The following CACNA1F variants were observed in gnomAD, a reference collection of about 807,000 sequenced individuals.
The protein encoded by CACNA1F is voltage-dependent L-type calcium channel subunit alpha-1F.
A neutral mutation model predicts 143.8 loss-of-function variants in CACNA1F; 59 were observed. The ratio of observed to expected loss-of-function variants is 0.41; its 90% CI spans 0.33 to 0.51. The LOEUF is 0.51. Ranked by LOEUF, CACNA1F falls within the 20% of genes least tolerant of loss-of-function variation. The pLI is 0.22. For synonymous variants in CACNA1F, 643 were observed against 649.1 expected, an observed-to-expected ratio of 0.99 and a Z score of 0.14; for missense variants, 1,411 against 1,647.5, an observed-to-expected ratio of 0.86 and a Z score of 2.48.
At position 49,218,501 on chromosome X, in the gene CACNA1F, C is replaced by T. The variant is rs781881857; in HGVS notation, c.2882G>A (p.Arg961Gln). ...GATGGCTCGGAGGGGCCGCAGTACT[C>T]GGAGTACTCGCAGAATCTTCACCAC... The part of the protein sequence containing the change: ...ISVVKILRVL[R>Q]VLRPLRAINR... The change falls in exon 24 of 48, where the codon CGA becomes CAA. Residue 961 changes from arginine (R) to glutamine (Q), a missense_variant. This residue lies in a region of CACNA1F where 950 missense variants were observed against 1,128.1 expected (regional missense o/e 0.84). Transcript: ENST00000323022. 9.3e-6 allele frequency: 11 copies of T among 1,184,049 alleles called. No individual in the cohort carries two copies. Among genetic ancestry groups the T allele is most frequent in the Admixed American group, 2.4e-5 (1 of 41,764 alleles).
At position 49,218,604 on chromosome X, in the gene CACNA1F, G is replaced by A. The variant is rs2065741928; in HGVS notation, c.2840+25C>T. ...TGGGCCCTGGCTGTGAGAGGAATGG[G>A]GTGGGCTGGGGATCTGTCACTTACT... On this transcript the variant is annotated intron_variant, in intron 23 of 47. Transcript: ENST00000323022. 8 of 1,177,895 alleles carry A rather than the reference G, an allele frequency of 6.8e-6. No individual in the cohort carries two copies. In the South Asian group the frequency reaches 1.1e-4, roughly 16 times the overall value.
intron 14 of CACNA1F, among the ~76,000 whole-genome samples, chrX:49,223,414 C>A (rs1310436727): frequency 1.9e-5 from 2 of 107,530 alleles, no homozygotes; most frequent in Non-Finnish European, 3.8e-5. Context: ...ACCATCCTGG[C>A]TAACACGGTG....
At chrX:49,233,200 G>A (rs1557111662) in intron 1 of CACNA1F, 85 bp downstream of exon 1, 2 of 1,016,893 alleles carry the variant, frequency 2.0e-6, no homozygotes. Context: ...AGGCTCTCTG[G>A]GGGTGGGGTC....
chrX:49,229,273 C>A (rs1404339148), intron 6 of CACNA1F, among the ~76,000 whole-genome samples: 16 of 111,081 alleles, frequency 1.4e-4, no homozygotes, highest in African/African-American at 5.3e-4. Context: ...TCTCATGCCG[C>A]AGCCTCCCGA....
chrX:49,210,466 C>A, intron 38 of CACNA1F, 63 bp from the exon 39 acceptor site: 1 of 1,038,944 alleles, frequency 9.6e-7, no homozygotes, highest in Non-Finnish European at 1.4e-6. Flanking sequence ...GAACGAATGT[C>A]AAGGGGCAGA....
chrX:49,211,158 G>C, intron 36 of CACNA1F, 66 bp from the exon 37 acceptor site: 1 of 1,157,039 alleles, frequency 8.6e-7, no homozygotes, highest in Middle Eastern at 2.5e-4. Flanking sequence ...CGGATGGTGG[G>C]AGGCTGGGGC....
intron 17 of CACNA1F, among the ~76,000 whole-genome samples, chrX:49,221,512 G>A (rs1054321587): frequency 2.7e-5 from 3 of 109,985 alleles, no homozygotes; most frequent in Non-Finnish European, 3.8e-5. Flanking sequence ...GGGTTCAAGC[G>A]AGCTTGTCCA....
Position 49,223,074 on chromosome X carries a change from G to A in CACNA1F, c.1940C>T (p.Ser647Phe). 8.3e-7 allele frequency: 1 copy of A among 1,203,123 alleles called. No homozygotes were observed. The highest frequency in any genetic ancestry group is 3.0e-5 in the East Asian group (1 of 33,685). ...SLLNSMKSIA[S>F]LLLLLFLFII... is the part of the protein sequence containing the mutation. ...GAAGAGGAAGAGGAGAAGCAGCAAGGATGCGATGGATTTCATTGAATTGAG... is the reference window on the plus strand; with the variant it reads ...GAAGAGGAAGAGGAGAAGCAGCAAGAATGCGATGGATTTCATTGAATTGAG... The change falls in exon 15 of 48, where the codon TCC (serine) becomes TTC (phenylalanine). Residue 647 changes from serine (S) to phenylalanine (F), a missense_variant. Transcript: ENST00000323022.
In CACNA1F at chrX:49,211,771, G is replaced by C. The variant is rs1602629255; in HGVS notation, c.4100+127C>G. 3.1e-5 allele frequency: 18 copies of C among 582,806 alleles called. No individual in the cohort carries two copies. The East Asian group carries it at 6.1e-4, about 20-fold the overall frequency. 48.0% of individuals were successfully genotyped at this position (582,806 alleles called of 1,213,427 possible). ...AACAGACTCCTCACATCATAGCCAG[G>C]AAACATCTCGGGCTGTATGGAGCCC... On this transcript the variant is annotated intron_variant, in intron 35 of 47. Coordinates refer to ENST00000323022, the MANE Select transcript of CACNA1F (RefSeq NM_001256789.3).
chrX:49,219,798 C>T lies in CACNA1F; in HGVS notation c.2387-8G>A, dbSNP rs782550012. ...CCTCCTCCTCCTCCATGTCTGGCAC[C>T]AGAGAAAAGCAAAAAAAAATTAATT... On this transcript the variant is annotated splice_region_variant and splice_polypyrimidine_tract_variant and intron_variant, in intron 19 of 47. Transcript: ENST00000323022. 6.9e-6 allele frequency: 7 copies of T among 1,018,190 alleles called. 1 individual carries two copies. In the Admixed American group the frequency reaches 1.8e-4, roughly 27 times the overall value. 83.9% of individuals were successfully genotyped at this position (1,018,190 alleles called of 1,213,427 possible). A position where few individuals can be genotyped will look rare whatever the true frequency, so the allele number is the denominator to read the frequency against.
rs12009701 is a variant in CACNA1F, at chrX:49,211,767, C to G, written c.4100+131G>C. The G allele has an allele frequency of 0.028, 16,337 of 573,548 alleles. 1,793 individuals are homozygous for G. The African/African-American group carries it at 0.32, about 11-fold the overall frequency. The allele number at this position is 573,548 out of a possible 1,213,427, so 47.3% of individuals were successfully genotyped here. On this transcript the variant is annotated intron_variant, in intron 35 of 47. Transcript: ENST00000323022. ...CTCTAACAGACTCCTCACATCATAG[C>G]CAGGAAACATCTCGGGCTGTATGGA...
chrX:49,229,729 C>T (rs1335492375), intron 6 of CACNA1F, among the ~76,000 whole-genome samples: 1 of 97,225 alleles, frequency 1.0e-5, no homozygotes, highest in Non-Finnish European at 1.9e-5. Context: ...CGCCATTCTC[C>T]TGCCTCAGCC....
chrX:49,230,381 A>C lies in CACNA1F; in HGVS notation c.665-9T>G, dbSNP rs372890341. The C allele has an allele frequency of 9.1e-6, 11 of 1,206,178 alleles. No homozygotes were observed. Among genetic ancestry groups the C allele is most frequent in the African/African-American group, 3.5e-5 (2 of 57,519 alleles). On this transcript the variant is annotated splice_polypyrimidine_tract_variant and intron_variant, in intron 5 of 47. Coordinates refer to ENST00000323022, the MANE Select transcript of CACNA1F (RefSeq NM_001256789.3). ...GAGCACTATGTGCAGGCCTGCGGGG[A>C]GGGAGGGGGAGGCAGAAATAAGGGC...
Position 49,209,396 on chromosome X carries a change from G to T in CACNA1F, c.4822-3C>A. On this transcript the variant is annotated splice_polypyrimidine_tract_variant and splice_region_variant and intron_variant, in intron 41 of 47. Transcript: ENST00000323022. Reference sequence around the variant, plus strand: ...TCCTGCAGGCTCCGCAGACCAGCCTGTGGGGGTGGAGAAATAGGTAAGCAG... The same window carrying T: ...TCCTGCAGGCTCCGCAGACCAGCCTTTGGGGGTGGAGAAATAGGTAAGCAG... 4 of 1,209,988 alleles carry T rather than the reference G, an allele frequency of 3.3e-6. No homozygotes were observed. Among genetic ancestry groups the T allele is most frequent in the Non-Finnish European group, 4.5e-6 (4 of 894,272 alleles).
chrX:49,227,427 C>T (rs944757535), intron 8 of CACNA1F, among the ~76,000 whole-genome samples: 2 of 111,688 alleles, frequency 1.8e-5, no homozygotes, highest in Admixed American at 9.5e-5. Flanking sequence ...TGGGCTCAAG[C>T]GATCCTTCCA....
At chrX:49,219,552 A>G in intron 20 of CACNA1F, 82 bp downstream of exon 20, 3 of 1,172,798 alleles carry the variant, frequency 2.6e-6, no homozygotes, top group African/African-American at 1.8e-5. Context: ...CCATGCCCCC[A>G]CTCCCACCTT....
intron 43 of CACNA1F, 146 bp from the exon 44 acceptor site, chrX:49,207,258 C>G (rs782084679): frequency 9.9e-5 from 46 of 465,279 alleles, no homozygotes; most frequent in Non-Finnish European, 1.6e-4. Context: ...TAAAATTAAC[C>G]ATTAACCATT....
At chrX:49,206,470 T>G in intron 46 of CACNA1F, 41 bp downstream of exon 46, 1 of 806,416 alleles carries the variant, frequency 1.2e-6, no homozygotes, top group Non-Finnish European at 1.8e-6. Context: ...TGCCCCCATC[T>G]CTCCAGACCC....
chrX:49,225,824 A>G (rs1311257539), intron 13 of CACNA1F, 85 bp downstream of exon 13: 1 of 910,330 alleles, frequency 1.1e-6, no homozygotes, highest in African/African-American at 2.0e-5. Flanking sequence ...TTGGGGGCTG[A>G]GGCGCCCTAG....
Sources: allele counts gnomAD v4.1 joint callset (sites outside exome capture counted in the v4.1 genomes callset), GRCh38; gene constraint gnomAD v4.1.1; regional missense constraint gnomAD v4.1.1; transcripts MANE v1.5; gene names NCBI Gene and HGNC (gene_info 2026-07-23, HGNC 2026-07-21).